SOS2: variants seen among roughly 807,000 people sequenced by gnomAD.
SOS2 encodes SOS Ras/Rho guanine nucleotide exchange factor 2.
Under a neutral mutation model 148.2 loss-of-function variants are expected in SOS2, and 65 were observed. That is an observed-to-expected ratio of 0.44 (90% CI 0.36 to 0.54). SOS2 has a LOEUF of 0.54. Among genes scored for constraint, SOS2 ranks in the 20% least tolerant of loss-of-function variants. The pLI, the probability that SOS2 is intolerant of heterozygous loss-of-function variation, is 0.00. For missense variants in SOS2, 1,341 were observed against 1,590.2 expected, an observed-to-expected ratio of 0.84 and a Z score of 2.67; for synonymous variants, 539 against 537.1, an observed-to-expected ratio of 1.00 and a Z score of -0.05.
At chr14:50,186,590 G>A (rs1885919049) in intron 5 of SOS2, among the ~76,000 whole-genome samples, 1 of 143,888 alleles carries the variant, frequency 6.9e-6, no homozygotes, top group East Asian at 2.0e-4. Context: ...AGACCAACCT[G>A]AACAACATAG....
At chr14:50,181,115 G>A (rs1318079584) in intron 6 of SOS2, among the ~76,000 whole-genome samples, 1 of 152,108 alleles carries the variant, frequency 6.6e-6, no homozygotes, top group Non-Finnish European at 1.5e-5. Context: ...CTAGTCTTTA[G>A]CACTACAATT....
intron 7 of SOS2, among the ~76,000 whole-genome samples, chr14:50,176,044 T>C (rs781640360): frequency 3.9e-5 from 6 of 152,278 alleles, no homozygotes; most frequent in Non-Finnish European, 7.4e-5. Context: ...AATGCAACAG[T>C]ATTAAGAGAT....
At chr14:50,188,165 G>C (rs1299716520) in intron 5 of SOS2, among the ~76,000 whole-genome samples, 2 of 152,154 alleles carry the variant, frequency 1.3e-5, no homozygotes, top group Admixed American at 1.3e-4. Flanking sequence ...CACTTTGCGA[G>C]GCCAAGGCAG....
intron 4 of SOS2, among the ~76,000 whole-genome samples, chr14:50,193,296 C>T (rs1886210666): frequency 6.6e-6 from 1 of 152,096 alleles, no homozygotes; most frequent in African/African-American, 2.4e-5. Context: ...CCTGCCTCAA[C>T]CTCCAAAAGT....
chr14:50,158,466 A>C, intron 11 of SOS2, 99 bp downstream of exon 11: 1 of 668,232 alleles, frequency 1.5e-6, no homozygotes, highest in Non-Finnish European at 2.6e-6. Context: ...AAATATGTTC[A>C]ATAATTAACT....
At chr14:50,122,391 CTTTT>C (rs71118839) in intron 21 of SOS2, among the ~76,000 whole-genome samples, 85 of 88,290 alleles carry the variant, frequency 9.6e-4, no homozygotes, top group African/African-American at 3.9e-3. Flanking sequence ...GAACCCTGGG[CTTTT>C]TTTTTTTTTT....
chr14:50,185,829 T>C (rs1298688230), intron 5 of SOS2, among the ~76,000 whole-genome samples: 1 of 152,128 alleles, frequency 6.6e-6, no homozygotes, highest in Non-Finnish European at 1.5e-5. Context: ...TTCTAGGCAC[T>C]CTTCTAAGCA....
In SOS2 at chr14:50,119,527, T is replaced by A. The variant is rs866460806; in HGVS notation, c.3490-674A>T. On this transcript the variant is annotated intron_variant, in intron 22 of 22. Coordinates refer to ENST00000216373, the MANE Select transcript of SOS2 (RefSeq NM_006939.4). ...TGTACTTCCAGCCTCTTTTTTATTTTTTTATTTTTATTTTTAGTTTTTGAG... is the reference window on the plus strand; with the variant it reads ...TGTACTTCCAGCCTCTTTTTTATTTATTTATTTTTATTTTTAGTTTTTGAG... 2.5e-4 allele frequency among the ~76,000 whole-genome samples: 38 copies of A among 152,230 alleles called. No homozygotes were observed. The South Asian group carries it at 4.4e-3, about 17-fold the overall frequency.
chr14:50,173,127 A>T (rs1885420695), intron 8 of SOS2, among the ~76,000 whole-genome samples: 1 of 151,798 alleles, frequency 6.6e-6, no homozygotes, highest in Non-Finnish European at 1.5e-5. Flanking sequence ...TGTGGCCACC[A>T]TGCCCAGCTT....
intron 16 of SOS2, among the ~76,000 whole-genome samples, chr14:50,144,585 G>A (rs1884404051): frequency 6.6e-6 from 1 of 152,000 alleles, no homozygotes; most frequent in African/African-American, 2.4e-5. Flanking sequence ...TAACAGGCGT[G>A]CGCCACCATG....
At chr14:50,226,357 A>G (rs937509785) in intron 1 of SOS2, among the ~76,000 whole-genome samples, 29 of 152,192 alleles carry the variant, frequency 1.9e-4, no homozygotes, top group African/African-American at 6.8e-4. Flanking sequence ...CACCAGTTAT[A>G]TTTTCTCAGA....
In SOS2 at chr14:50,182,609, G is replaced by A. The variant is rs1249534641; in HGVS notation, c.715-3C>T. 1 of 1,590,802 alleles carries A rather than the reference G, an allele frequency of 6.3e-7. No individual in the cohort carries two copies. Among genetic ancestry groups the A allele is most frequent in the African/African-American group, 1.4e-5 (1 of 73,970 alleles). Reference sequence around the variant, plus strand: ...TTACTAAAAATCTTTTCGATATCCTGAAAAAAGAGAAGGAAGGTTAAGAAA... The same window carrying A: ...TTACTAAAAATCTTTTCGATATCCTAAAAAAAGAGAAGGAAGGTTAAGAAA... On this transcript the variant is annotated splice_region_variant and splice_polypyrimidine_tract_variant and intron_variant, in intron 5 of 22. Coordinates refer to ENST00000216373, the MANE Select transcript of SOS2 (RefSeq NM_006939.4).
At chr14:50,178,774 C>T (rs1885628025) in intron 7 of SOS2, among the ~76,000 whole-genome samples, 1 of 150,350 alleles carries the variant, frequency 6.7e-6, no homozygotes. Flanking sequence ...TGCTCTGTCA[C>T]CTAGGCTGGA....
At chr14:50,144,134 T>G (rs903869631) in intron 16 of SOS2, among the ~76,000 whole-genome samples, 1 of 152,120 alleles carries the variant, frequency 6.6e-6, no homozygotes, top group African/African-American at 2.4e-5. Context: ...TACATATGAA[T>G]ATTCCATGAT....
intron 8 of SOS2, among the ~76,000 whole-genome samples, chr14:50,169,737 C>A (rs887869986): frequency 6.6e-6 from 1 of 151,898 alleles, no homozygotes; most frequent in Non-Finnish European, 1.5e-5. Context: ...TGTTGCCATG[C>A]AACAATTTAT....
At chr14:50,168,457 C>T (rs757213527) in intron 8 of SOS2, among the ~76,000 whole-genome samples, 21 of 152,186 alleles carry the variant, frequency 1.4e-4, no homozygotes, top group Admixed American at 3.3e-4. Flanking sequence ...CCTGGGTTCA[C>T]GCCATCCTTT....
intron 1 of SOS2, among the ~76,000 whole-genome samples, chr14:50,229,340 G>T (rs3783419): frequency 0.22 from 32,999 of 151,944 alleles, 3,976 homozygotes; most frequent in East Asian, 0.47. Flanking sequence ...AATTTTCTTA[G>T]ATGTATTTAT....
At position 50,173,612 on chromosome 14, in the gene SOS2, G is replaced by A. The variant is rs149766558; in HGVS notation, c.1068+842C>T. Among the ~76,000 whole-genome samples the A allele has an allele frequency of 5.0e-3, 761 of 152,082 alleles. 5 individuals are homozygous for A. Among genetic ancestry groups the A allele is most frequent in the African/African-American group, 0.016 (683 of 41,484 alleles). The stretch of plus-strand genomic sequence containing the variant: ...AATTTTTTGTACATTTAGTAGAGAC[G>A]GGGTTTCACCATGTTAGCCAGGATG... On this transcript the variant is annotated intron_variant, in intron 8 of 22. Transcript: ENST00000216373.
At chr14:50,194,626 A>G (rs1311186231) in intron 4 of SOS2, among the ~76,000 whole-genome samples, 1 of 150,782 alleles carries the variant, frequency 6.6e-6, no homozygotes, top group Non-Finnish European at 1.5e-5. Flanking sequence ...AAATACAAAA[A>G]TATTAGCCAG....
Sources: gnomAD v4.1 joint callset for allele counts (sites outside exome capture counted in the v4.1 genomes callset) on GRCh38, gnomAD v4.1.1 for gene constraint, MANE v1.5 for transcripts, NCBI Gene and HGNC (gene_info 2026-07-23, HGNC 2026-07-21) for gene names.